Variants in C9orf50 observed in about 807,000 individuals in gnomAD.
C9orf50 encodes chromosome 9 open reading frame 50, also known as uncharacterized protein C9orf50.
A neutral mutation model predicts 42.5 loss-of-function variants in C9orf50; 33 were observed. The observed-to-expected ratio is 0.78, with a 90% CI of 0.59 to 1.04. C9orf50 has a LOEUF of 1.04. Among genes scored for constraint, C9orf50 ranks in the 50% least tolerant of loss-of-function variants. C9orf50 has a pLI of 0.00. For synonymous variants in C9orf50, 257 were observed against 273.4 expected (o/e 0.94, Z 0.59); for missense variants, 547 against 594.3 (o/e 0.92, Z 0.83).
intron 3 of C9orf50, among the ~76,000 whole-genome samples, chr9:129,618,135 T>C (rs1830484938): frequency 6.6e-6 from 1 of 152,236 alleles, no homozygotes; most frequent in African/African-American, 2.4e-5. Context: ...ATGTTTGTGA[T>C]GTATTTACTC....
In C9orf50 at chr9:129,613,101, GC is replaced by G; in HGVS notation, c.1188+5del. On this transcript the variant is annotated splice_donor_5th_base_variant and intron_variant, in intron 6 of 6. Transcript: ENST00000372478. This position sits in a 1 kb window ranked among gnomAD's most constrained non-coding sequence, Gnocchi z 6.2. ...TCTAGGTCCAGGAGCAAGACCATTT[GC>G]CCACCTGCTCCAGGTTTCTGTGCGG... is the stretch of plus-strand genomic sequence containing the variant. 1 of 1,613,720 alleles carries G rather than the reference GC, an allele frequency of 6.2e-7. No homozygotes were observed.
intron 3 of C9orf50, among the ~76,000 whole-genome samples, chr9:129,618,524 A>C (rs1588120871): frequency 6.6e-6 from 1 of 152,128 alleles, no homozygotes; most frequent in East Asian, 1.9e-4. Flanking sequence ...TGGCTGGATG[A>C]TTATGTAGAT....
At position 129,620,648 on chromosome 9, in the gene C9orf50, A is replaced by C; in HGVS notation, c.-74T>G. ...GGGCGCCGGCTGAGGTGGGGAGGGC[A>C]TAGTCCAGCCCCAGGCCATAGTGCC... On this transcript the variant is annotated 5_prime_UTR_variant, in exon 1 of 7. The change abolishes an upstream ATG in the 5' untranslated region. Coordinates refer to ENST00000372478, the Ensembl canonical transcript of C9orf50. The surrounding 1 kb of genome is among the most constrained non-coding windows in gnomAD (Gnocchi z 5.8). The C allele has an allele frequency of 8.1e-7, 1 of 1,233,762 alleles. No homozygotes were observed. Among genetic ancestry groups the C allele is most frequent in the Non-Finnish European group, 1.0e-6 (1 of 978,758 alleles). The allele number at this position is 1,233,762 out of a possible 1,614,324, so 76.4% of individuals were successfully genotyped here.
At chr9:129,616,126 G>A (rs1372584933) in intron 3 of C9orf50, among the ~76,000 whole-genome samples, 1 of 152,194 alleles carries the variant, frequency 6.6e-6, no homozygotes, top group Non-Finnish European at 1.5e-5. Flanking sequence ...CCACCCTACA[G>A]GGTTGTGAAG....
chr9:129,615,379 C>T (rs1390156184), intron 4 of C9orf50, 105 bp downstream of exon 4: 2 of 1,252,852 alleles, frequency 1.6e-6, no homozygotes, highest in Non-Finnish European at 1.1e-6. Flanking sequence ...ATCTCTTGGC[C>T]TTTGCAAAGC....
chr9:129,619,956 A>G (rs1318589679), intron 1 of C9orf50, 111 bp downstream of exon 1: 1 of 1,486,814 alleles, frequency 6.7e-7, no homozygotes, highest in Admixed American at 2.0e-5. Context: ...TACTCAGCTA[A>G]CATTAGCATC....
In C9orf50 at chr9:129,613,190, A is replaced by G. The variant is rs1332400888; in HGVS notation, c.1105T>C (p.Phe369Leu). 1 of 1,613,660 alleles carries G rather than the reference A, an allele frequency of 6.2e-7. No individual in the cohort carries two copies. The highest frequency in any genetic ancestry group is 8.5e-7 in the Non-Finnish European group (1 of 1,179,990). The change falls in exon 6 of 7, where the codon TTC becomes CTC. Residue 369 changes from phenylalanine to leucine, a missense_variant. Phe to Leu is a conservative substitution (Grantham distance 22). Transcript: ENST00000372478. This position sits in a 1 kb window ranked among gnomAD's most constrained non-coding sequence, Gnocchi z 6.2. ...GCAGCGGCCTTCTTCCATGAACAGA[A>G]GGGCAGGCTGCTGTTCATGGAGGTG...
Position 129,620,050 on chromosome 9 carries a change from G to A in C9orf50, c.508+17C>T, listed in dbSNP as rs1413138947. 3 of 1,453,434 alleles carry A rather than the reference G, an allele frequency of 2.1e-6. No individual in the cohort carries two copies. The highest frequency in any genetic ancestry group is 1.9e-4 in the Middle Eastern group (1 of 5,150). The allele number at this position is 1,453,434 out of a possible 1,614,324, so 90.0% of individuals were successfully genotyped here. On this transcript the variant is annotated intron_variant, in intron 1 of 6. Coordinates refer to ENST00000372478, the Ensembl canonical transcript of C9orf50. The surrounding 1 kb of genome is among the most constrained non-coding windows in gnomAD (Gnocchi z 5.8). ...GAAATGACTCGGGCCCGCCCCCCGG[G>A]CCCCGCGGGGCCTCACTCAGTGGCT...
At chr9:129,619,823 T>G (rs1308351767) in exon 2 of C9orf50, 1 of 1,613,960 alleles carries the variant, frequency 6.2e-7, no homozygotes, top group African/African-American at 1.3e-5. Flanking sequence ...GTTGCGGTGC[T>G]GGGGATGCTG....
At chr9:129,617,232 C>G (rs546054938) in intron 3 of C9orf50, among the ~76,000 whole-genome samples, 1 of 150,642 alleles carries the variant, frequency 6.6e-6, no homozygotes, top group South Asian at 2.1e-4. Context: ...TGTGTAGATG[C>G]AGAGGGAATG....
At position 129,614,045 on chromosome 9, in the gene C9orf50, G is replaced by GC. The variant is rs1460389860; in HGVS notation, c.881-449dup. Among the ~76,000 whole-genome samples the GC allele has an allele frequency of 6.6e-6, 1 of 152,160 alleles. No individual in the cohort carries two copies. Among genetic ancestry groups the GC allele is most frequent in the South Asian group, 2.1e-4 (1 of 4,832 alleles). ...GAAAGGGCTGGGAAGCAGCAGGCTG[G>GC]CCCCCACGTCTCCTGGGCACCCTGC... On this transcript the variant is annotated intron_variant, in intron 4 of 6. Coordinates refer to ENST00000372478, the Ensembl canonical transcript of C9orf50. This position sits in a 1 kb window ranked among gnomAD's most constrained non-coding sequence, Gnocchi z 4.4.
In C9orf50 at chr9:129,613,389, G is replaced by A. The variant is rs761912304; in HGVS notation, c.1043+46C>T. 12 of 1,602,246 alleles carry A rather than the reference G, an allele frequency of 7.5e-6. No homozygotes were observed. In the South Asian group the frequency reaches 1.2e-4, roughly 16 times the overall value. Reference sequence around the variant, plus strand: ...GGTCTGTAGGCAAGGGGGGTGGAGGGCCCTGGCAATGTCCACGAGTCCCAT... The same window carrying A: ...GGTCTGTAGGCAAGGGGGGTGGAGGACCCTGGCAATGTCCACGAGTCCCAT... On this transcript the variant is annotated intron_variant, in intron 5 of 6. Transcript: ENST00000372478. The surrounding 1 kb of genome is among the most constrained non-coding windows in gnomAD (Gnocchi z 6.2).
At chr9:129,619,772 C>A in exon 2 of C9orf50, 1 of 1,614,094 alleles carries the variant, frequency 6.2e-7, no homozygotes, top group Non-Finnish European at 8.5e-7. Flanking sequence ...AGTTGGGACA[C>A]CGCGGAGACC....
chr9:129,612,238 C>A, exon 7 of C9orf50: 2 of 867,072 alleles, frequency 2.3e-6, no homozygotes, highest in Non-Finnish European at 1.8e-6. Context: ...TGGTGTGACA[C>A]CTACTGGCAG....
At position 129,613,034 on chromosome 9, in the gene C9orf50, G is replaced by A; in HGVS notation, c.1188+73C>T. On this transcript the variant is annotated intron_variant, in intron 6 of 6. Coordinates refer to ENST00000372478, the Ensembl canonical transcript of C9orf50. The surrounding 1 kb of genome is among the most constrained non-coding windows in gnomAD (Gnocchi z 6.2). ...CCAGCCCCAGCCACTCCACCAAACA[G>A]GGCTGCTCCCGGAGCCAGCTGCCAG... 1 of 1,586,554 alleles carries A rather than the reference G, an allele frequency of 6.3e-7. No homozygotes were observed. Among genetic ancestry groups the A allele is most frequent in the African/African-American group, 1.3e-5 (1 of 74,428 alleles).
At position 129,620,400 on chromosome 9, in the gene C9orf50, C is replaced by G; in HGVS notation, c.175G>C (p.Ala59Pro). The G allele has an allele frequency of 8.1e-7, 1 of 1,232,910 alleles. No homozygotes were observed. The highest frequency in any genetic ancestry group is 1.0e-6 in the Non-Finnish European group (1 of 989,002). 76.4% of individuals were successfully genotyped at this position (1,232,910 alleles called of 1,614,324 possible). A position where few individuals can be genotyped will look rare whatever the true frequency, so the allele number is the denominator to read the frequency against. Residue 59 changes from alanine to proline, a missense_variant, in exon 1 of 7, where the codon GCC (alanine) becomes CCC (proline). This residue lies in a region of C9orf50 where 105 missense variants were observed against 98.5 expected (regional missense o/e 1.07). Transcript: ENST00000372478. The surrounding 1 kb of genome is among the most constrained non-coding windows in gnomAD (Gnocchi z 5.8). ...GCGTCCCCTTCCGGCCACCACGCGG[C>G]GCCGCCCCCCGGGATCCTCCAGTCC...
chr9:129,619,487 C>T, intron 3 of C9orf50, 33 bp downstream of exon 3: 2 of 1,494,116 alleles, frequency 1.3e-6, no homozygotes, highest in South Asian at 1.2e-5. Flanking sequence ...CCCTTTCCTC[C>T]ACTACCCTAC....
chr9:129,614,887 G>A lies in C9orf50; in HGVS notation c.880+597C>T, dbSNP rs1460390930. ...ACTGCACTCCAGCCTGGGCGACAGA[G>A]TGAGACTCCGTATCAGAAAAAAAAA... On this transcript the variant is annotated intron_variant, in intron 4 of 6. Coordinates refer to ENST00000372478, the Ensembl canonical transcript of C9orf50. This position sits in a 1 kb window ranked among gnomAD's most constrained non-coding sequence, Gnocchi z 4.4. Among the ~76,000 whole-genome samples the A allele has an allele frequency of 6.6e-6, 1 of 151,946 alleles. No homozygotes were observed. Among genetic ancestry groups the A allele is most frequent in the Non-Finnish European group, 1.5e-5 (1 of 68,010 alleles).
intron 6 of C9orf50, among the ~76,000 whole-genome samples, chr9:129,612,729 T>G (rs894678295): frequency 6.6e-6 from 1 of 152,056 alleles, no homozygotes; most frequent in African/African-American, 2.4e-5. Flanking sequence ...AATACAAAAA[T>G]TAGCTGGGTG....
Sources: allele counts gnomAD v4.1 joint callset (sites outside exome capture counted in the v4.1 genomes callset), GRCh38; gene constraint gnomAD v4.1.1; regional missense constraint gnomAD v4.1.1; non-coding constraint Gnocchi (gnomAD v3.1); transcripts MANE v1.5; gene names NCBI Gene and HGNC (gene_info 2026-07-23, HGNC 2026-07-21).